ANKS3: variants seen among roughly 807,000 people sequenced by gnomAD.
The protein encoded by ANKS3 is ankyrin repeat and SAM domain-containing protein 3.
In ANKS3, 62 loss-of-function variants were observed where a neutral mutation model predicts 80.7. The ratio of observed to expected loss-of-function variants is 0.77; its 90% confidence interval spans 0.63 to 0.95. The LOEUF (loss-of-function observed/expected upper bound fraction) is 0.95, where lower values mean the gene tolerates loss of function less well. Among genes scored for constraint, ANKS3 ranks in the 40% least tolerant of loss-of-function variants. The pLI is 0.00. For synonymous variants in ANKS3, 489 were observed against 355.3 expected, an observed-to-expected ratio of 1.38 and a Z score of -4.23; for missense variants, 1,150 against 883.6, an observed-to-expected ratio of 1.30 and a Z score of -3.82.
intron 6 of ANKS3, among the ~76,000 whole-genome samples, chr16:4,723,831 C>T (rs1255381058): frequency 2.0e-5 from 3 of 151,862 alleles, no homozygotes; most frequent in South Asian, 2.1e-4. Context: ...CTGAGGTGAT[C>T]GCTTGAGCTC....
chr16:4,697,947 C>T, intron 15 of ANKS3, 30 bp downstream of exon 15: 4 of 1,527,482 alleles, frequency 2.6e-6, no homozygotes, highest in Non-Finnish European at 3.5e-6. Flanking sequence ...TTCCCCTCTG[C>T]CCAGTGCGGA....
chr16:4,721,271 C>T (rs2081078224), intron 6 of ANKS3, among the ~76,000 whole-genome samples: 1 of 147,530 alleles, frequency 6.8e-6, no homozygotes, highest in East Asian at 2.0e-4. Context: ...TGCCACTGCA[C>T]TCTAGCCTGG....
intron 5 of ANKS3, 152 bp downstream of exon 5, chr16:4,726,507 C>T (rs2081360808): frequency 2.7e-6 from 2 of 742,040 alleles, no homozygotes; most frequent in South Asian, 3.7e-5. Context: ...AAGGCCTGTG[C>T]CTGGAAGGAC....
rs977197476 is a variant in ANKS3, at chr16:4,698,373, G to A, written c.1724+54C>T. ...AGGAAAGGATGTGTGGGGGCCCAGG[G>A]GCCAGGTGGCTGACCACTGGAGACC... On this transcript the variant is annotated intron_variant, in intron 14 of 17. Transcript: ENST00000304283. 16 of 1,437,058 alleles carry A rather than the reference G, an allele frequency of 1.1e-5. No individual in the cohort carries two copies. In the African/African-American group the frequency reaches 1.3e-4, roughly 12 times the overall value. 89.0% of individuals were successfully genotyped at this position (1,437,058 alleles called of 1,614,324 possible).
intron 7 of ANKS3, 108 bp downstream of exon 7, chr16:4,713,943 C>T: frequency 1.4e-6 from 2 of 1,464,484 alleles, no homozygotes; most frequent in Non-Finnish European, 1.8e-6. Flanking sequence ...AGCCAAATCT[C>T]AGAGAAGGTG....
chr16:4,716,902 G>A (rs1355210907), intron 6 of ANKS3, among the ~76,000 whole-genome samples: 3 of 151,130 alleles, frequency 2.0e-5, no homozygotes, highest in African/African-American at 2.4e-5. Flanking sequence ...ACGACAGACT[G>A]AGATTCCATC....
chr16:4,713,960 G>A (rs991299297), intron 7 of ANKS3, 91 bp downstream of exon 7: 10 of 1,518,612 alleles, frequency 6.6e-6, no homozygotes, highest in East Asian at 2.3e-5. Flanking sequence ...GGTGGGAGCC[G>A]GGGAAGCGGG....
intron 1 of ANKS3, among the ~76,000 whole-genome samples, chr16:4,732,986 G>C (rs1397470261): frequency 6.6e-6 from 1 of 151,980 alleles, no homozygotes. Context: ...GATAAATATT[G>C]CATGTTCTCA....
In ANKS3 at chr16:4,705,266, A is replaced by C; in HGVS notation, c.710-13T>G. The C allele has an allele frequency of 6.2e-7, 1 of 1,613,434 alleles. No homozygotes were observed. Among genetic ancestry groups the C allele is most frequent in the Non-Finnish European group, 8.5e-7 (1 of 1,179,788 alleles). ...TCTTCGTACTTTTCTGTGATCAAAC[A>C]CCAAGATTAAGATAGTGTGTTCAGT... On this transcript the variant is annotated splice_polypyrimidine_tract_variant and intron_variant, in intron 7 of 17. Coordinates refer to ENST00000304283, the MANE Select transcript of ANKS3 (RefSeq NM_133450.4).
At chr16:4,726,063 C>T (rs1239611040) in intron 5 of ANKS3, among the ~76,000 whole-genome samples, 1 of 151,840 alleles carries the variant, frequency 6.6e-6, no homozygotes, top group African/African-American at 2.4e-5. Context: ...GCAAGCTCCA[C>T]CTCCCGGGTT....
chr16:4,728,606 C>G (rs867390146), intron 3 of ANKS3, among the ~76,000 whole-genome samples: 1 of 152,118 alleles, frequency 6.6e-6, no homozygotes. Context: ...AGCCCCACCC[C>G]TTCCTTCTGA....
At position 4,698,451 on chromosome 16, in the gene ANKS3, G is replaced by T; in HGVS notation, c.1700C>A (p.Ala567Asp). 6.5e-7 allele frequency: 1 copy of T among 1,537,506 alleles called. No individual in the cohort carries two copies. The highest frequency in any genetic ancestry group is 8.7e-7 in the Non-Finnish European group (1 of 1,148,446). The part of the protein sequence containing the change: ...LRETWALARD[A>D]ALVLDQLRAC... ...CCGCAGCTGGTCCAGGACGAGGGCA[G>T]CATCCCGGGCCAGGGCCCACGTCTC... is the stretch of plus-strand genomic sequence containing the variant. The change falls in exon 14 of 18, where the codon GCT (alanine) becomes GAT (aspartate). Residue 567 changes from alanine to aspartate, a missense_variant. By Grantham distance (126) the Ala-to-Asp change is moderately radical. Coordinates refer to ENST00000304283, the MANE Select transcript of ANKS3 (RefSeq NM_133450.4).
intron 7 of ANKS3, among the ~76,000 whole-genome samples, chr16:4,710,605 G>A (rs2080432417): frequency 6.6e-6 from 1 of 152,148 alleles, no homozygotes; most frequent in South Asian, 2.1e-4. Flanking sequence ...GCTACTCGTA[G>A]AGCTGAGGTA....
intron 7 of ANKS3, among the ~76,000 whole-genome samples, chr16:4,710,284 G>C (rs1301723646): frequency 1.3e-5 from 2 of 152,266 alleles, no homozygotes; most frequent in Admixed American, 6.5e-5. Flanking sequence ...ACCTCGAAAT[G>C]ATAAATGTTT....
intron 6 of ANKS3, among the ~76,000 whole-genome samples, chr16:4,718,372 G>A (rs890615898): frequency 6.6e-6 from 1 of 152,204 alleles, no homozygotes; most frequent in African/African-American, 2.4e-5. Flanking sequence ...CTATCCGGAA[G>A]GCACGAATCA....
chr16:4,721,633 T>TTTATTG (rs2081103943), intron 6 of ANKS3, among the ~76,000 whole-genome samples: 1 of 58,644 alleles, frequency 1.7e-5, no homozygotes, highest in African/African-American at 3.2e-5. Flanking sequence ...TTGATTTATT[T>TTTATTG]ATTTATTTAT....
At position 4,734,138 on chromosome 16, in the gene ANKS3, G is replaced by C. The variant is rs572742812; in HGVS notation, c.-271C>G. ...CAGGTGCCGGCAAGTGCTGGGGCCG[G>C]GCCGCCGCGGAACCCACCTGTGCTG... On this transcript the variant is annotated 5_prime_UTR_variant, in exon 1 of 18. Transcript: ENST00000304283. The C allele has an allele frequency of 9.6e-6, 6 of 625,482 alleles. No individual in the cohort carries two copies. The African/African-American group carries it at 1.2e-4, about 12-fold the overall frequency. The allele number at this position is 625,482 out of a possible 1,614,324, so 38.7% of individuals were successfully genotyped here. A position where few individuals can be genotyped will look rare whatever the true frequency, so the allele number is the denominator to read the frequency against.
At chr16:4,702,373 G>C in intron 8 of ANKS3, 131 bp from the exon 9 acceptor site, 1 of 970,720 alleles carries the variant, frequency 1.0e-6, no homozygotes, top group East Asian at 3.3e-5. Context: ...ACCTGGCATG[G>C]CTCTATCTGT....
chr16:4,715,420 G>A (rs1297960509), intron 6 of ANKS3, among the ~76,000 whole-genome samples: 1 of 152,190 alleles, frequency 6.6e-6, no homozygotes, highest in Non-Finnish European at 1.5e-5. Flanking sequence ...CGGGACCCCG[G>A]AAAGGGGGAG....
Sources: gnomAD v4.1 joint callset for allele counts (sites outside exome capture counted in the v4.1 genomes callset) on GRCh38, gnomAD v4.1.1 for gene constraint, MANE v1.5 for transcripts, NCBI Gene and HGNC (gene_info 2026-07-23, HGNC 2026-07-21) for gene names.